The following TXNL1 variants were observed in gnomAD, a reference collection of about 807,000 sequenced individuals.
The protein encoded by TXNL1 is thioredoxin like 1.
Under a neutral mutation model 35.5 loss-of-function variants are expected in TXNL1, and 14 were observed. The ratio of observed to expected loss-of-function variants is 0.39; its 90% CI spans 0.26 to 0.62. TXNL1 has a LOEUF of 0.62. Among genes scored for constraint, TXNL1 ranks in the 20% least tolerant of loss-of-function variants. TXNL1 has a pLI of 0.47. For missense variants in TXNL1, 263 were observed against 349.7 expected, an observed-to-expected ratio of 0.75 and a Z score of 1.98; for synonymous variants, 110 against 115.5, an observed-to-expected ratio of 0.95 and a Z score of 0.31.
In TXNL1 at chr18:56,602,844, CTT is replaced by C. The variant is rs1465400908; in HGVS notation, c.*181_*182del. ...AAATTAAGCTTGGCAAAAGTGGTGACTTTTATTTACAATTGCATGTGTCAAGA... is the reference window on the plus strand; with the variant it reads ...AAATTAAGCTTGGCAAAAGTGGTGACTTATTTACAATTGCATGTGTCAAGA... On this transcript the variant is annotated 3_prime_UTR_variant, in exon 8 of 8. Coordinates refer to ENST00000217515, the MANE Select transcript of TXNL1 (RefSeq NM_004786.3). The C allele has an allele frequency of 1.5e-6, 1 of 688,626 alleles. No individual in the cohort carries two copies. The highest frequency in any genetic ancestry group is 2.4e-6 in the Non-Finnish European group (1 of 408,904). 42.7% of individuals were successfully genotyped at this position (688,626 alleles called of 1,614,324 possible).
At position 56,626,425 on chromosome 18, in the gene TXNL1, A is replaced by G. The variant is rs1171272989; in HGVS notation, c.131T>C (p.Phe44Ser). 1 of 1,613,512 alleles carries G rather than the reference A, an allele frequency of 6.2e-7. No homozygotes were observed. Among genetic ancestry groups the G allele is most frequent in the Non-Finnish European group, 8.5e-7 (1 of 1,179,740 alleles). ...TGGATATTTATTACTCATAGAACTG[A>G]ATGCTGGGGCAATCCTCAAACATGG... is the stretch of plus-strand genomic sequence containing the variant. ...CGPCLRIAPAFSSMSNKYPQA... is the reference protein window; with the variant it reads ...CGPCLRIAPASSSMSNKYPQA... Residue 44 changes from phenylalanine to serine, a missense_variant, in exon 2 of 8, where the codon TTC (phenylalanine) becomes TCC (serine). Physicochemically the swap from Phe to Ser is radical, Grantham distance 155. Transcript: ENST00000217515.
Position 56,624,297 on chromosome 18 carries a change from T to A in TXNL1, c.360A>T (p.Pro120=), listed in dbSNP as rs1215371938. ...DPGSNEDTDI[P]KGYMDLMPFI... The stretch of plus-strand genomic sequence containing the variant: ...TTTTCAGTCTACATACATAGCCTTT[T>A]GGAATATCTGTGTCCTCATTGCTTC... The change falls in exon 3 of 8, where the codon CCA becomes CCT. Residue 120 remains proline (P), a synonymous_variant. Transcript: ENST00000217515. 6.2e-7 allele frequency: 1 copy of A among 1,613,020 alleles called. No homozygotes were observed. Among genetic ancestry groups the A allele is most frequent in the East Asian group, 2.2e-5 (1 of 44,824 alleles).
rs141793265 is a variant in TXNL1 at position 56,634,055 on chromosome 18, C to T, written c.98+4288G>A. Among the ~76,000 whole-genome samples, 973 of 148,806 alleles carry T rather than the reference C, an allele frequency of 6.5e-3. 12 individuals are homozygous for T. Among genetic ancestry groups the T allele is most frequent in the African/African-American group, 0.023 (923 of 40,144 alleles). On this transcript the variant is annotated intron_variant, in intron 1 of 7. Transcript: ENST00000217515. ...TGGGGAGGGGGGAGACCAGGGACAA[C>T]GAACGACACAATGTATATTCTTTTA... is the stretch of plus-strand genomic sequence containing the variant.
intron 1 of TXNL1, among the ~76,000 whole-genome samples, chr18:56,634,194 T>C (rs773007475): frequency 3.2e-4 from 48 of 151,660 alleles, no homozygotes; most frequent in Non-Finnish European, 6.0e-4. Context: ...TATCAGAGAG[T>C]GAAATGAATT....
chr18:56,631,920 C>CAA (rs539527338), intron 1 of TXNL1, among the ~76,000 whole-genome samples: 326 of 71,386 alleles, frequency 4.6e-3, no homozygotes, highest in African/African-American at 0.014. Context: ...AACTCTGTCT[C>CAA]AAAAAAAAAA....
chr18:56,638,526 G>T lies in TXNL1; in HGVS notation c.-86C>A. The T allele has an allele frequency of 7.2e-7, 1 of 1,380,612 alleles. No individual in the cohort carries two copies. Among genetic ancestry groups the T allele is most frequent in the South Asian group, 1.3e-5 (1 of 77,986 alleles). 85.5% of individuals were successfully genotyped at this position (1,380,612 alleles called of 1,614,324 possible). On this transcript the variant is annotated 5_prime_UTR_variant, in exon 1 of 8. Transcript: ENST00000217515. ...ACGATCTGGGAGAGGAAGGAGAGAT[G>T]CTCAGGAAGGCCGAGGCCTGGACAG... is the stretch of plus-strand genomic sequence containing the variant.
In TXNL1 at chr18:56,599,967, AC is replaced by A. The variant is rs1342444365; in HGVS notation, c.*3059del. The A allele has an allele frequency of 6.6e-6, 1 of 151,480 alleles. No homozygotes were observed. The highest frequency in any genetic ancestry group is 1.9e-4 in the East Asian group (1 of 5,172). The allele number at this position is 151,480 out of a possible 1,614,324, so 9.4% of individuals were successfully genotyped here. On this transcript the variant is annotated 3_prime_UTR_variant, in exon 8 of 8. Transcript: ENST00000217515. ...CACAAAAATTAACCTACTAAATTGA[AC>A]TATATGAGTATCAATACAAGCAACA...
At chr18:56,624,911 G>A (rs901077118) in intron 2 of TXNL1, among the ~76,000 whole-genome samples, 1 of 152,120 alleles carries the variant, frequency 6.6e-6, no homozygotes, top group Non-Finnish European at 1.5e-5. Flanking sequence ...AATGTATTTT[G>A]CACTGCAACC....
At chr18:56,611,931 CT>C (rs2024000273) in intron 6 of TXNL1, among the ~76,000 whole-genome samples, 4 of 151,128 alleles carry the variant, frequency 2.6e-5, no homozygotes, top group Admixed American at 6.6e-5. Context: ...TCACTGCAAC[CT>C]CCACCTCTCA....
intron 3 of TXNL1, among the ~76,000 whole-genome samples, chr18:56,619,792 T>C (rs528842990): frequency 6.6e-6 from 1 of 152,208 alleles, no homozygotes; most frequent in East Asian, 1.9e-4. Context: ...AATGTTCCCT[T>C]ATTAAGATTT....
intron 3 of TXNL1, 114 bp from the exon 4 acceptor site, chr18:56,618,240 C>G: frequency 8.6e-7 from 1 of 1,160,708 alleles, no homozygotes; most frequent in African/African-American, 1.6e-5. Flanking sequence ...ACTTTTAAAA[C>G]AGTTCATAAA....
At chr18:56,612,116 C>T (rs1357139843) in intron 6 of TXNL1, among the ~76,000 whole-genome samples, 1 of 150,780 alleles carries the variant, frequency 6.6e-6, no homozygotes, top group African/African-American at 2.4e-5. Flanking sequence ...ATCCTCCTGC[C>T]TCAGCCTCCC....
chr18:56,616,414 C>G (rs533311582), intron 4 of TXNL1, 100 bp from the exon 5 acceptor site: 2 of 1,060,192 alleles, frequency 1.9e-6, no homozygotes, highest in African/African-American at 3.2e-5. Flanking sequence ...AAAAAAAAAC[C>G]AACCTAATTC....
intron 3 of TXNL1, 127 bp downstream of exon 3, chr18:56,624,161 C>T (rs1598920372): frequency 9.6e-7 from 1 of 1,039,966 alleles, no homozygotes; most frequent in Non-Finnish European, 1.3e-6. Context: ...AATTTGAAAG[C>T]TCTTATTTAA....
At chr18:56,635,259 A>G (rs765734918) in intron 1 of TXNL1, among the ~76,000 whole-genome samples, 13 of 152,188 alleles carry the variant, frequency 8.5e-5, no homozygotes, top group Admixed American at 1.3e-4. Context: ...CCCTGTCTCT[A>G]ACAAATAAGA....
In TXNL1 at chr18:56,600,605, G is replaced by A. The variant is rs1279561236; in HGVS notation, c.*2422C>T. ...ATATTGAGACTGGGGAACAACGTGG[G>A]GCAGGTTTCAACTCTAATTGTTACG... On this transcript the variant is annotated 3_prime_UTR_variant, in exon 8 of 8. Transcript: ENST00000217515. 6.7e-6 allele frequency: 1 copy of A among 149,962 alleles called. No individual in the cohort carries two copies. The highest frequency in any genetic ancestry group is 2.5e-5 in the African/African-American group (1 of 40,546). The allele number at this position is 149,962 out of a possible 1,614,324, so 9.3% of individuals were successfully genotyped here.
At chr18:56,628,058 C>A (rs1191509334) in intron 1 of TXNL1, among the ~76,000 whole-genome samples, 2 of 151,954 alleles carry the variant, frequency 1.3e-5, no homozygotes. Flanking sequence ...AAGAATGAAC[C>A]CTTGAATAGG....
chr18:56,623,358 G>A (rs1378216513), intron 3 of TXNL1, among the ~76,000 whole-genome samples: 1 of 151,604 alleles, frequency 6.6e-6, no homozygotes, highest in Non-Finnish European at 1.5e-5. Flanking sequence ...AACCCTGGAG[G>A]TGGAGGTTGC....
chr18:56,607,561 C>T (rs2023920582), intron 7 of TXNL1, among the ~76,000 whole-genome samples: 1 of 151,998 alleles, frequency 6.6e-6, no homozygotes, highest in South Asian at 2.1e-4. Context: ...TAATATATCC[C>T]GATTAAACCC....
Sources: allele counts gnomAD v4.1 joint callset (sites outside exome capture counted in the v4.1 genomes callset), GRCh38; gene constraint gnomAD v4.1.1; transcripts MANE v1.5; gene names NCBI Gene and HGNC (gene_info 2026-07-23, HGNC 2026-07-21).